NLRP5: variants seen among roughly 807,000 people sequenced by gnomAD.
The protein encoded by NLRP5 is NACHT, LRR and PYD domains-containing protein 5.
Under a neutral mutation model 113.1 loss-of-function variants are expected in NLRP5, and 93 were observed. The ratio of observed to expected loss-of-function variants is 0.82; its 90% CI spans 0.70 to 0.98. The LOEUF (loss-of-function observed/expected upper bound fraction) is 0.98, where lower values mean the gene tolerates loss of function less well. Among genes scored for constraint, NLRP5 ranks in the 50% least tolerant of loss-of-function variants. The pLI is 0.00. For synonymous variants in NLRP5, 751 were observed against 600.7 expected (o/e 1.25, Z -3.66); for missense variants, 1,808 against 1,514.3 (o/e 1.19, Z -3.22).
upstream of NLRP5, among the ~76,000 whole-genome samples, chr19:55,997,412 TTTC>T (rs1254198031): frequency 6.6e-6 from 1 of 152,188 alleles, no homozygotes; most frequent in East Asian, 1.9e-4. Flanking sequence ...GGCCTGTAGT[TTTC>T]TTTTTTGTGT....
Position 56,050,427 on chromosome 19 carries a change from G to A in NLRP5, c.2967G>A (p.Gln989=). ...TGTGTGTGCCCCACAGGCTGAATCA[G>A]TGCCACCTGGACACGGCTGGCTGTG... is the stretch of plus-strand genomic sequence containing the variant. The change falls in exon 12 of 15, where the codon CAG becomes CAA. Residue 989 remains glutamine (Q), a synonymous_variant. Transcript: ENST00000390649. 2 of 1,613,568 alleles carry A rather than the reference G, an allele frequency of 1.2e-6. No homozygotes were observed. Among genetic ancestry groups the A allele is most frequent in the Non-Finnish European group, 8.5e-7 (1 of 1,179,812 alleles).
In NLRP5 at chr19:56,028,021, C is replaced by T. The variant is rs1417105620; in HGVS notation, c.1788C>T (p.Tyr596=). ...AGGACTTCTGTGCCGCCTTGTACTA[C>T]GTGTTAGAGGGCCTGGAAATCGAGC... The change falls in exon 7 of 15, where the codon TAC becomes TAT. Residue 596 remains tyrosine, a synonymous_variant. Transcript: ENST00000390649. 1.4e-5 allele frequency: 23 copies of T among 1,613,886 alleles called. No individual in the cohort carries two copies. Among genetic ancestry groups the T allele is most frequent in the African/African-American group, 5.3e-5 (4 of 74,920 alleles).
At chr19:56,055,787 T>C (rs150396892) in intron 13 of NLRP5, among the ~76,000 whole-genome samples, 2,427 of 151,272 alleles carry the variant, frequency 0.016, 37 homozygotes, top group East Asian at 0.07. Context: ...CCTCATGATC[T>C]GCCCGCCTTG....
rs114567107 is a variant in NLRP5, at chr19:56,030,517, G to A, written c.2276+2008G>A. 7.6e-3 allele frequency among the ~76,000 whole-genome samples: 1,157 copies of A among 152,208 alleles called. 14 individuals are homozygous for A. The highest frequency in any genetic ancestry group is 0.027 in the African/African-American group (1,104 of 41,522). On this transcript the variant is annotated intron_variant, in intron 7 of 14. Transcript: ENST00000390649. Reference sequence around the variant, plus strand: ...GAGCTCATGTCAGTGCAGAAAGAAAGAACAGCTTGCCCGTTACTTTGTTCT... The same window carrying A: ...GAGCTCATGTCAGTGCAGAAAGAAAAAACAGCTTGCCCGTTACTTTGTTCT...
At position 56,015,780 on chromosome 19, in the gene NLRP5, G is replaced by T; in HGVS notation, c.547G>T (p.Ala183Ser). 1 of 1,570,974 alleles carries T rather than the reference G, an allele frequency of 6.4e-7. No homozygotes were observed. Among genetic ancestry groups the T allele is most frequent in the Non-Finnish European group, 8.6e-7 (1 of 1,156,576 alleles). ...TGTGCAACAAGATAGTGCCACAGCT[G>T]CAGAGACAAAAGAACAAGGTGAATG... The change falls in exon 4 of 15, where the codon GCA (alanine) becomes TCA (serine). Residue 183 changes from alanine to serine, a missense_variant. By Grantham distance (99) the Ala-to-Ser change is moderately conservative (BLOSUM62 1). Transcript: ENST00000390649.
rs1982937232 is a variant in NLRP5 at position 56,027,938 on chromosome 19, A to T, written c.1705A>T (p.Ile569Phe). ...GCTCCGTGCTCTGTTTCACATGAAC[A>T]TCCTTCTCCCAGACAGCCACTGTGA... Residue 569 changes from isoleucine (I) to phenylalanine (F), a missense_variant, in exon 7 of 15, where the codon ATC (isoleucine) becomes TTC (phenylalanine). Transcript: ENST00000390649. 6.2e-7 allele frequency: 1 copy of T among 1,613,748 alleles called. No individual in the cohort carries two copies. Among genetic ancestry groups the T allele is most frequent in the South Asian group, 1.1e-5 (1 of 91,046 alleles).
the NLRP5 span, among the ~76,000 whole-genome samples, chr19:55,990,312 C>T: frequency 6.6e-6 from 1 of 151,878 alleles, no homozygotes; most frequent in East Asian, 2.0e-4. Context: ...TAGTCTCGAA[C>T]TCCTGACCTC....
intron 13 of NLRP5, among the ~76,000 whole-genome samples, chr19:56,057,425 A>G (rs921892787): frequency 2.0e-5 from 3 of 152,140 alleles, no homozygotes; most frequent in Admixed American, 6.5e-5. Context: ...CTCCGCTCTC[A>G]CCACTGTCTG....
intron 12 of NLRP5, among the ~76,000 whole-genome samples, chr19:56,052,755 C>G (rs563101618): frequency 2.6e-5 from 4 of 152,316 alleles, no homozygotes; most frequent in Non-Finnish European, 5.9e-5. Context: ...CCCATTTTTC[C>G]TAAGAATAGA....
intron 2 of NLRP5, among the ~76,000 whole-genome samples, chr19:56,005,717 G>A (rs1456982910): frequency 6.6e-6 from 1 of 152,114 alleles, no homozygotes; most frequent in African/African-American, 2.4e-5. Context: ...ACGCTTCAAG[G>A]GCTCTCTCTC....
At chr19:56,034,257 C>G (rs1964380) in intron 9 of NLRP5, among the ~76,000 whole-genome samples, 9,110 of 152,190 alleles carry the variant, frequency 0.06, 824 homozygotes, top group African/African-American at 0.2. Context: ...GGCGTGGCAG[C>G]CACCTGTAAT....
the NLRP5 span, among the ~76,000 whole-genome samples, chr19:55,994,594 C>A: frequency 6.6e-6 from 1 of 152,178 alleles, no homozygotes; most frequent in Non-Finnish European, 1.5e-5. Context: ...GATGGAGTTT[C>A]ACCATGTTGG....
At chr19:55,996,906 G>A (rs951993389), upstream of NLRP5, among the ~76,000 whole-genome samples, 4 of 152,108 alleles carry the variant, frequency 2.6e-5, no homozygotes, top group African/African-American at 4.8e-5. Context: ...CTGAGGAATC[G>A]CCACACTGAC....
At chr19:56,050,241 C>G (rs138534102) in intron 11 of NLRP5, among the ~76,000 whole-genome samples, 177 bp from the exon 12 acceptor site, 271 of 149,418 alleles carry the variant, frequency 1.8e-3, no homozygotes, top group Middle Eastern at 6.8e-3. Flanking sequence ...GAGCTTGCCA[C>G]TGCACTCCAG....
rs1984362006 is a variant in NLRP5 at position 56,061,716 on chromosome 19, G to C, written c.*188G>C. 9 of 627,712 alleles carry C rather than the reference G, an allele frequency of 1.4e-5. No homozygotes were observed. In the South Asian group the frequency reaches 1.8e-4, roughly 13 times the overall value. The allele number at this position is 627,712 out of a possible 1,614,324, so 38.9% of individuals were successfully genotyped here. A position where few individuals can be genotyped will look rare whatever the true frequency, so the allele number is the denominator to read the frequency against. Reference sequence around the variant, plus strand: ...CGTTGGTTACTGGATTTGAAGGCTAGAGACCTTCAAGTCATAGGACTCAGT... The same window carrying C: ...CGTTGGTTACTGGATTTGAAGGCTACAGACCTTCAAGTCATAGGACTCAGT... On this transcript the variant is annotated 3_prime_UTR_variant, in exon 15 of 15. Coordinates refer to ENST00000390649, the MANE Select transcript of NLRP5 (RefSeq NM_153447.4).
At position 56,027,609 on chromosome 19, in the gene NLRP5, T is replaced by A. The variant is rs770749231; in HGVS notation, c.1376T>A (p.Met459Lys). 9 of 1,613,798 alleles carry A rather than the reference T, an allele frequency of 5.6e-6. No homozygotes were observed. The South Asian group carries it at 9.9e-5, about 18-fold the overall frequency. Residue 459 changes from methionine to lysine, a missense_variant, in exon 7 of 15, where the codon ATG (methionine) becomes AAG (lysine). Coordinates refer to ENST00000390649, the MANE Select transcript of NLRP5 (RefSeq NM_153447.4). ...AAGACACAAGGGTTGCGTGCGATCATGAACAACCGTGAGCTGCTCGACCAG... is the reference window on the plus strand; with the variant it reads ...AAGACACAAGGGTTGCGTGCGATCAAGAACAACCGTGAGCTGCTCGACCAG...
rs1390751008 is a variant in NLRP5 at position 56,061,540 on chromosome 19, C to G, written c.*12C>G. The G allele has an allele frequency of 5.0e-6, 8 of 1,613,774 alleles. No individual in the cohort carries two copies. Among genetic ancestry groups the G allele is most frequent in the Non-Finnish European group, 6.8e-6 (8 of 1,179,832 alleles). On this transcript the variant is annotated 3_prime_UTR_variant, in exon 15 of 15. Coordinates refer to ENST00000390649, the MANE Select transcript of NLRP5 (RefSeq NM_153447.4). ...GGTGGAAAAACTGAAGATACGGAAACCTGCCCCACTCACACCCATCTGATG... is the reference window on the plus strand; with the variant it reads ...GGTGGAAAAACTGAAGATACGGAAAGCTGCCCCACTCACACCCATCTGATG...
intron 11 of NLRP5, among the ~76,000 whole-genome samples, chr19:56,043,781 G>GTT (rs1983616339): frequency 6.6e-6 from 1 of 151,220 alleles, no homozygotes; most frequent in Non-Finnish European, 1.5e-5. Flanking sequence ...GTTTCACCAC[G>GTT]TTAGCCAGGA....
chr19:56,040,922 A>G lies in NLRP5; in HGVS notation c.2787A>G (p.Ile929Met). ...CCTCTCTGGGGCTCTCTTCTTGCAG[A>G]CTGGAGGACTGTGGCATCACAGCCA... Residue 929 changes from isoleucine to methionine, a missense_variant and splice_region_variant, in exon 11 of 15, where the codon ATA (isoleucine) becomes ATG (methionine). Physicochemically the swap from Ile to Met is conservative, Grantham distance 10. Transcript: ENST00000390649. 1 of 1,613,306 alleles carries G rather than the reference A, an allele frequency of 6.2e-7. No homozygotes were observed. The highest frequency in any genetic ancestry group is 8.5e-7 in the Non-Finnish European group (1 of 1,179,534).
Sources: allele counts gnomAD v4.1 joint callset (sites outside exome capture counted in the v4.1 genomes callset), GRCh38; gene constraint gnomAD v4.1.1; transcripts MANE v1.5; gene names NCBI Gene and HGNC (gene_info 2026-07-23, HGNC 2026-07-21).